Variants in MAGI1 observed in about 807,000 individuals in gnomAD.
MAGI1 encodes the protein membrane-associated guanylate kinase, WW and PDZ domain-containing protein 1.
In MAGI1, 58 loss-of-function variants were observed where a neutral mutation model predicts 139.9. The ratio of observed to expected loss-of-function variants is 0.41; its 90% CI spans 0.34 to 0.52. MAGI1 has a LOEUF of 0.52. Ranked by LOEUF, MAGI1 falls within the 20% of genes least tolerant of loss-of-function variation. The probability of loss-of-function intolerance (pLI) is 0.12; values close to 1 mark genes in which losing one functional copy is unlikely to be tolerated. For synonymous variants in MAGI1, 812 were observed against 737.9 expected, an observed-to-expected ratio of 1.10 and a Z score of -1.63; for missense variants, 1,874 against 1,901.6, an observed-to-expected ratio of 0.99 and a Z score of 0.27.
intron 12 of MAGI1, among the ~76,000 whole-genome samples, chr3:65,412,578 T>C (rs1262832792): frequency 2.6e-5 from 4 of 152,360 alleles, no homozygotes; most frequent in African/African-American, 9.6e-5. Flanking sequence ...AATAAACACC[T>C]GTATCTCTCA....
intron 1 of MAGI1, among the ~76,000 whole-genome samples, chr3:65,774,903 C>G (rs1461754865): frequency 6.6e-6 from 1 of 152,106 alleles, no homozygotes; most frequent in Non-Finnish European, 1.5e-5. Flanking sequence ...AATTACTTAG[C>G]CTTTCTAAGC....
At position 66,014,891 on chromosome 3, in the gene MAGI1, C is replaced by A. The variant is rs2067539298; in HGVS notation, c.313+23105G>T. 2.0e-5 allele frequency among the ~76,000 whole-genome samples: 3 copies of A among 152,150 alleles called. No homozygotes were observed. The East Asian group carries it at 5.8e-4, about 29-fold the overall frequency. The stretch of plus-strand genomic sequence containing the variant: ...TGTTGCCTCCACTTAGAATAACATT[C>A]CACCCCATCTCTATAAATATCCTAC... On this transcript the variant is annotated intron_variant, in intron 1 of 22. Transcript: ENST00000402939.
At chr3:65,588,939 C>T (rs1011137116) in intron 2 of MAGI1, among the ~76,000 whole-genome samples, 8 of 152,048 alleles carry the variant, frequency 5.3e-5, no homozygotes, top group African/African-American at 1.7e-4. Flanking sequence ...ACGCTAGGAA[C>T]ACAAAAATGT....
At chr3:65,401,520 T>A (rs767305815) in intron 12 of MAGI1, 50 bp from the exon 13 acceptor site, 2 of 1,599,652 alleles carry the variant, frequency 1.3e-6, no homozygotes. Flanking sequence ...CATTAGCATA[T>A]AAATGTTACC....
At chr3:65,470,205 A>C (rs776269038) in intron 5 of MAGI1, 78 bp downstream of exon 5, 48 of 962,306 alleles carry the variant, frequency 5.0e-5, no homozygotes, top group Non-Finnish European at 7.2e-5. Flanking sequence ...TGTAATTTAC[A>C]TTGGCAACTG....
At chr3:65,440,735 G>C (rs1225214360) in intron 8 of MAGI1, among the ~76,000 whole-genome samples, 2 of 151,914 alleles carry the variant, frequency 1.3e-5, no homozygotes, top group South Asian at 2.1e-4. Flanking sequence ...GATGTGATGT[G>C]CTCAAAATGA....
chr3:65,996,502 T>C (rs996729681), intron 1 of MAGI1, among the ~76,000 whole-genome samples: 1 of 143,050 alleles, frequency 7.0e-6, no homozygotes, highest in Non-Finnish European at 1.5e-5. Flanking sequence ...TTTTCCATCA[T>C]TGGAATATAT....
intron 1 of MAGI1, among the ~76,000 whole-genome samples, chr3:65,646,462 A>C (rs529115458): frequency 6.6e-6 from 1 of 152,132 alleles, no homozygotes; most frequent in African/African-American, 2.4e-5. Flanking sequence ...AGAGACTTTA[A>C]CATCTCTCTC....
intron 1 of MAGI1, among the ~76,000 whole-genome samples, chr3:65,829,493 A>C (rs2042409139): frequency 6.6e-6 from 1 of 152,170 alleles, no homozygotes; most frequent in African/African-American, 2.4e-5. Flanking sequence ...AGGAAGGCAC[A>C]ATCTATGACG....
In MAGI1 at chr3:65,530,643, GTGTGTGTGTGTGTGTGTGTA is replaced by G. The variant is rs1165012347; in HGVS notation, c.431-37032_431-37013del. ...GTGTGTGGTGTGTGTGTGTGTGTGT[GTGTGTGTGTGTGTGTGTGTA>G]TATATATATACATATATATATACGT... On this transcript the variant is annotated intron_variant, in intron 2 of 22. Coordinates refer to ENST00000402939, the MANE Select transcript of MAGI1 (RefSeq NM_001033057.2). Among the ~76,000 whole-genome samples, 61 of 126,508 alleles carry G rather than the reference GTGTGTGTGTGTGTGTGTGTA, an allele frequency of 4.8e-4. 1 individual carries two copies. The highest frequency in any genetic ancestry group is 2.6e-3 in the African/African-American group (60 of 23,422). The allele number at this position is 126,508 out of a possible 152,430, so 83.0% of individuals were successfully genotyped here. A position where few individuals can be genotyped will look rare whatever the true frequency, so the allele number is the denominator to read the frequency against.
chr3:65,492,675 T>C (rs574421135), intron 3 of MAGI1, among the ~76,000 whole-genome samples: 1 of 152,286 alleles, frequency 6.6e-6, no homozygotes, highest in African/African-American at 2.4e-5. Flanking sequence ...CACATGTACA[T>C]ACGCATGTGC....
chr3:65,445,223 C>T lies in MAGI1; in HGVS notation c.1079-2374G>A, dbSNP rs117329261. ...TTCATTTATCTCTACTACTCTGTGG[C>T]CTTGGGCTACTTACTTAACATCTCT... On this transcript the variant is annotated intron_variant, in intron 7 of 22. Coordinates refer to ENST00000402939, the MANE Select transcript of MAGI1 (RefSeq NM_001033057.2). Among the ~76,000 whole-genome samples the T allele has an allele frequency of 8.5e-5, 13 of 152,254 alleles. No individual in the cohort carries two copies. In the East Asian group the frequency reaches 1.9e-3, roughly 23 times the overall value.
At chr3:65,372,131 C>T (rs1942064478) in intron 18 of MAGI1, among the ~76,000 whole-genome samples, 1 of 152,230 alleles carries the variant, frequency 6.6e-6, no homozygotes, top group Non-Finnish European at 1.5e-5. Flanking sequence ...AGAGCCATCA[C>T]TATCTATGGC....
At chr3:65,388,849 T>TTTTA (rs1403239601) in intron 14 of MAGI1, among the ~76,000 whole-genome samples, 1 of 140,184 alleles carries the variant, frequency 7.1e-6, no homozygotes, top group African/African-American at 2.7e-5. Flanking sequence ...TTTTTTTTTT[T>TTTTA]TTTTTTTTTT....
At chr3:65,531,207 T>C (rs1426314640) in intron 2 of MAGI1, among the ~76,000 whole-genome samples, 2 of 152,048 alleles carry the variant, frequency 1.3e-5, no homozygotes, top group African/African-American at 2.4e-5. Context: ...AATCCAGACC[T>C]ACAGCTTTAT....
chr3:65,920,802 G>A (rs2062140504), intron 1 of MAGI1, among the ~76,000 whole-genome samples: 1 of 152,140 alleles, frequency 6.6e-6, no homozygotes, highest in Non-Finnish European at 1.5e-5. Flanking sequence ...AGGCCGAGGT[G>A]GGTGGATCAC....
chr3:65,743,093 A>G (rs1214885922), intron 1 of MAGI1, among the ~76,000 whole-genome samples: 1 of 152,232 alleles, frequency 6.6e-6, no homozygotes, highest in Non-Finnish European at 1.5e-5. Context: ...CCTGGATGCT[A>G]GATACGTCTA....
intron 2 of MAGI1, among the ~76,000 whole-genome samples, chr3:65,498,288 G>GA (rs56780794): frequency 0.4 from 57,509 of 143,536 alleles, 11,891 homozygotes; most frequent in East Asian, 0.76. Context: ...TAAAAAAAAA[G>GA]AAAAAAAAAA....
At chr3:65,699,242 G>A (rs2089434650) in intron 1 of MAGI1, among the ~76,000 whole-genome samples, 10 of 103,344 alleles carry the variant, frequency 9.7e-5, no homozygotes, top group Admixed American at 1.9e-4. Flanking sequence ...TGCTGGAGAG[G>A]ATGTGGAGAA....
Sources: gnomAD v4.1 joint callset for allele counts (sites outside exome capture counted in the v4.1 genomes callset) on GRCh38, gnomAD v4.1.1 for gene constraint, MANE v1.5 for transcripts, NCBI Gene and HGNC (gene_info 2026-07-23, HGNC 2026-07-21) for gene names.